GRIA3: variants seen among roughly 807,000 people sequenced by gnomAD.
GRIA3 encodes glutamate ionotropic receptor AMPA type subunit 3, also known as glutamate receptor 3.
GRIA3 carries 3 observed loss-of-function variants against 63.0 expected under a neutral mutation model. The ratio of observed to expected loss-of-function variants is 0.05; its 90% CI spans 0.02 to 0.12. GRIA3 has a LOEUF of 0.12. GRIA3 is among the 10% of genes least tolerant of loss of function. The pLI is 1.00. For missense variants in GRIA3, 347 were observed against 700.9 expected, an observed-to-expected ratio of 0.50 and a Z score of 5.70; for synonymous variants, 274 against 257.9, an observed-to-expected ratio of 1.06 and a Z score of -0.60.
At chrX:123,435,814 T>C (rs2045641037) in intron 12 of GRIA3, among the ~76,000 whole-genome samples, 1 of 112,346 alleles carries the variant, frequency 8.9e-6, no homozygotes, top group Admixed American at 9.4e-5. Context: ...GAATTGTTTC[T>C]AGTTCCACAT....
intron 3 of GRIA3, among the ~76,000 whole-genome samples, chrX:123,305,719 C>G (rs963846697): frequency 1.8e-5 from 2 of 111,945 alleles, no homozygotes; most frequent in African/African-American, 6.5e-5. Context: ...TAGCATCAGG[C>G]CTTTATAGTT....
chrX:123,321,154 G>A (rs1164036416), intron 3 of GRIA3, among the ~76,000 whole-genome samples: 2 of 111,831 alleles, frequency 1.8e-5, no homozygotes, highest in Non-Finnish European at 3.8e-5. Flanking sequence ...ATATTGACAA[G>A]GTAATTTCTA....
chrX:123,234,965 A>G (rs768562700), intron 2 of GRIA3, among the ~76,000 whole-genome samples: 15 of 111,868 alleles, frequency 1.3e-4, no homozygotes, highest in African/African-American at 4.5e-4. Flanking sequence ...AAATGGTTCA[A>G]TAAAATTAAA....
chrX:123,344,605 T>A (rs1182987656), intron 4 of GRIA3, among the ~76,000 whole-genome samples: 1 of 111,877 alleles, frequency 8.9e-6, no homozygotes, highest in East Asian at 2.8e-4. Flanking sequence ...ATAGAATCAC[T>A]TCCAATTAAA....
At chrX:123,480,635 T>C (rs1441325528) in intron 14 of GRIA3, among the ~76,000 whole-genome samples, 1 of 112,177 alleles carries the variant, frequency 8.9e-6, no homozygotes, top group African/African-American at 3.2e-5. Context: ...CAATCCCATC[T>C]GAAAACAGTC....
At chrX:123,293,257 A>C (rs1476556953) in intron 3 of GRIA3, among the ~76,000 whole-genome samples, 4 of 111,149 alleles carry the variant, frequency 3.6e-5, no homozygotes, top group Admixed American at 9.6e-5. Flanking sequence ...TTGGAATCAA[A>C]AGAGTATACT....
chrX:123,430,691 AAACT>A (rs1461513763), intron 12 of GRIA3, among the ~76,000 whole-genome samples: 1 of 110,625 alleles, frequency 9.0e-6, no homozygotes, highest in Non-Finnish European at 1.9e-5. Flanking sequence ...GCAATTTTAA[AAACT>A]AACTCCTGGC....
chrX:123,195,709 A>G (rs537131356), intron 2 of GRIA3, among the ~76,000 whole-genome samples: 3 of 111,813 alleles, frequency 2.7e-5, no homozygotes, highest in African/African-American at 9.8e-5. Flanking sequence ...GCACTATACT[A>G]TATACCTCCT....
At chrX:123,449,698 G>A (rs2045720617) in intron 12 of GRIA3, among the ~76,000 whole-genome samples, 1 of 112,099 alleles carries the variant, frequency 8.9e-6, no homozygotes, top group African/African-American at 3.2e-5. Flanking sequence ...CACAGGAGAA[G>A]GTGAAATATG....
At chrX:123,451,454 A>G (rs2045729954) in intron 12 of GRIA3, among the ~76,000 whole-genome samples, 1 of 91,407 alleles carries the variant, frequency 1.1e-5, no homozygotes. Context: ...GCAGTAAGCT[A>G]GGATCACACA....
intron 5 of GRIA3, among the ~76,000 whole-genome samples, chrX:123,373,161 C>T (rs1053865221): frequency 9.1e-6 from 1 of 110,407 alleles, no homozygotes; most frequent in African/African-American, 3.3e-5. Context: ...TGATGGTTTC[C>T]AGCTTCATCC....
At chrX:123,429,547 T>C (rs1406709672) in intron 12 of GRIA3, among the ~76,000 whole-genome samples, 10 of 111,595 alleles carry the variant, frequency 9.0e-5, no homozygotes, top group African/African-American at 1.6e-4. Context: ...TTAGAAACAA[T>C]TTTCTGCCCC....
At chrX:123,338,287 T>A (rs974101863) in intron 4 of GRIA3, among the ~76,000 whole-genome samples, 4 of 112,154 alleles carry the variant, frequency 3.6e-5, no homozygotes, top group African/African-American at 6.5e-5. Context: ...GGTAAATTAC[T>A]GCAACTAAGT....
intron 12 of GRIA3, among the ~76,000 whole-genome samples, chrX:123,455,838 A>G: frequency 9.0e-6 from 1 of 110,661 alleles, no homozygotes; most frequent in East Asian, 2.8e-4. Context: ...TCTATCTGAA[A>G]CCTTTCTAGT....
chrX:123,198,182 G>A (rs934912068), intron 2 of GRIA3, among the ~76,000 whole-genome samples: 1 of 111,838 alleles, frequency 8.9e-6, no homozygotes, highest in Non-Finnish European at 1.9e-5. Context: ...TCTGAGTCTA[G>A]GCAATTCTTC....
At chrX:123,292,798 G>A (rs1371691427) in intron 3 of GRIA3, among the ~76,000 whole-genome samples, 4 of 111,259 alleles carry the variant, frequency 3.6e-5, no homozygotes, top group Non-Finnish European at 7.6e-5. Context: ...CTTTCTGCAG[G>A]CTGGTAGCAG....
At chrX:123,376,681 T>A in intron 5 of GRIA3, among the ~76,000 whole-genome samples, 1 of 111,774 alleles carries the variant, frequency 8.9e-6, no homozygotes, top group East Asian at 2.8e-4. Flanking sequence ...CTTTCAGGTA[T>A]TTAGTGGTCA....
At chrX:123,367,781 G>A (rs1483245720) in intron 5 of GRIA3, among the ~76,000 whole-genome samples, 3 of 111,104 alleles carry the variant, frequency 2.7e-5, no homozygotes, top group African/African-American at 6.6e-5. Context: ...CTGAATAGTC[G>A]TCATTGGATG....
chrX:123,457,946 A>G (rs1409543865), intron 12 of GRIA3, among the ~76,000 whole-genome samples: 4 of 111,616 alleles, frequency 3.6e-5, no homozygotes, highest in Admixed American at 9.5e-5. Context: ...AAAGGTATCT[A>G]GAAGATTGTG....
Sources: gnomAD v4.1 joint callset for allele counts (sites outside exome capture counted in the v4.1 genomes callset) on GRCh38, gnomAD v4.1.1 for gene constraint, MANE v1.5 for transcripts, NCBI Gene and HGNC (gene_info 2026-07-23, HGNC 2026-07-21) for gene names.